Variants in BDNF observed in about 807,000 individuals in gnomAD.
The protein encoded by BDNF is neurotrophic factor BDNF precursor form.
In BDNF, 1 loss-of-function variant was observed where a neutral mutation model predicts 19.5. The observed-to-expected ratio is 0.05, with a 90% CI of 0.02 to 0.24. The LOEUF (loss-of-function observed/expected upper bound fraction) is 0.24, where lower values mean the gene tolerates loss of function less well. Ranked by LOEUF, BDNF falls within the 10% of genes least tolerant of loss-of-function variation. The pLI is 1.00. For missense variants in BDNF, 195 were observed against 317.6 expected, an observed-to-expected ratio of 0.61 and a Z score of 2.93; for synonymous variants, 100 against 121.6, an observed-to-expected ratio of 0.82 and a Z score of 1.17.
intron 1 of BDNF, among the ~76,000 whole-genome samples, chr11:27,718,804 T>C: frequency 6.6e-6 from 1 of 152,108 alleles, no homozygotes; most frequent in Non-Finnish European, 1.5e-5. Context: ...AGAGTTGGGA[T>C]TCTTTCTTTC....
At chr11:27,714,731 G>A (rs927745537) in intron 1 of BDNF, among the ~76,000 whole-genome samples, 1 of 152,092 alleles carries the variant, frequency 6.6e-6, no homozygotes, top group Admixed American at 6.5e-5. Context: ...TACACTGCAA[G>A]AAATAGTTAT....
chr11:27,657,926 C>T lies in BDNF; in HGVS notation c.639G>A (p.Ser213=), dbSNP rs78572035. ...TATCCATGGTAAGGGCCCGCACGTA[C>T]GACTGGGTAGTTCGGCACTGGGAGT... ...HWNSQCRTTQ[S]YVRALTMDSK... The change falls in exon 2 of 2, where the codon TCG becomes TCA. Residue 213 remains serine (S), a synonymous_variant. Transcript: ENST00000356660. This position sits in a 1 kb window ranked among gnomAD's most constrained non-coding sequence, Gnocchi z 5.0. 285 of 1,614,168 alleles carry T rather than the reference C, an allele frequency of 1.8e-4. 2 individuals carry two copies. The East Asian group carries it at 3.2e-3, about 18-fold the overall frequency.
upstream of BDNF, chr11:27,700,537 C>T: frequency 2.7e-6 from 2 of 746,172 alleles, no homozygotes; most frequent in Non-Finnish European, 3.2e-6. Context: ...CCCCCCCGCC[C>T]CCCGCCCCCC....
intron 1 of BDNF, among the ~76,000 whole-genome samples, chr11:27,668,238 A>C (rs959901555): frequency 8.5e-5 from 13 of 152,226 alleles, no homozygotes; most frequent in Non-Finnish European, 1.6e-4. Context: ...AAGACACAAC[A>C]TACCAGAATC....
chr11:27,690,585 C>T (rs1858120710), intron 1 of BDNF, among the ~76,000 whole-genome samples: 1 of 152,096 alleles, frequency 6.6e-6, no homozygotes, highest in African/African-American at 2.4e-5. Context: ...CATATAGATT[C>T]CTATACTACA....
chr11:27,667,521 C>G (rs1163459838), intron 1 of BDNF, among the ~76,000 whole-genome samples: 1 of 152,096 alleles, frequency 6.6e-6, no homozygotes, highest in Non-Finnish European at 1.5e-5. Context: ...TTCAGCAGAC[C>G]CATCTCATGT....
chr11:27,701,550 G>C, upstream of BDNF: 2 of 987,706 alleles, frequency 2.0e-6, no homozygotes, highest in Non-Finnish European at 2.4e-6. Context: ...TTTGATCTCG[G>C]CAGAGGCAGG....
Position 27,657,230 on chromosome 11 carries a change from AAAAC to A in BDNF, c.*587_*590del, listed in dbSNP as rs1351635621. 2.0e-6 allele frequency: 2 copies of A among 986,632 alleles called. No homozygotes were observed. Among genetic ancestry groups the A allele is most frequent in the Non-Finnish European group, 2.4e-6 (2 of 830,292 alleles). The allele number at this position is 986,632 out of a possible 1,614,324, so 61.1% of individuals were successfully genotyped here. A position where few individuals can be genotyped will look rare whatever the true frequency, so the allele number is the denominator to read the frequency against. The stretch of plus-strand genomic sequence containing the variant: ...CATCTCTACTCCCTGTGGGAACTAA[AAAAC>A]AAAACAAACAAACGAAAAAAAAACA... On this transcript the variant is annotated 3_prime_UTR_variant, in exon 2 of 2. Coordinates refer to ENST00000356660, the MANE Select transcript of BDNF (RefSeq NM_001709.5). The surrounding 1 kb of genome is among the most constrained non-coding windows in gnomAD (Gnocchi z 5.0).
At chr11:27,680,747 CTT>C (rs1856742232) in intron 1 of BDNF, among the ~76,000 whole-genome samples, 1 of 152,274 alleles carries the variant, frequency 6.6e-6, no homozygotes, top group African/African-American at 2.4e-5. Flanking sequence ...GAAAAGCAAA[CTT>C]AGCTTCTCTG....
chr11:27,656,718 G>C lies in BDNF; in HGVS notation c.*1103C>G. The C allele has an allele frequency of 1.0e-6, 1 of 985,006 alleles. No individual in the cohort carries two copies. The highest frequency in any genetic ancestry group is 1.2e-6 in the Non-Finnish European group (1 of 829,830). The allele number at this position is 985,006 out of a possible 1,614,324, so 61.0% of individuals were successfully genotyped here. On this transcript the variant is annotated 3_prime_UTR_variant, in exon 2 of 2. Transcript: ENST00000356660. ...AAGACATTGTTAAGCCTCACCATGA[G>C]TTTTTTTTAAGCTTAGCCATGATTT...
At chr11:27,717,856 G>A (rs1860571813) in intron 1 of BDNF, among the ~76,000 whole-genome samples, 1 of 127,080 alleles carries the variant, frequency 7.9e-6, no homozygotes, top group Non-Finnish European at 1.7e-5. Context: ...CATCTTACAA[G>A]TTGAGTGTGT....
At chr11:27,676,073 T>G (rs1856058112) in intron 1 of BDNF, 1 of 152,316 alleles carries the variant, frequency 6.6e-6, no homozygotes, top group South Asian at 2.1e-4. Context: ...GAGAGCACAC[T>G]TTTAGAGGAG....
chr11:27,659,463 A>T (rs1853046117), intron 1 of BDNF: 1 of 1,000,374 alleles, frequency 1.0e-6, no homozygotes, highest in African/African-American at 1.7e-5. Flanking sequence ...AAACTGAAAA[A>T]GTCAGCATTA....
At position 27,654,958 on chromosome 11, in the gene BDNF, GTTAA is replaced by G; in HGVS notation, c.*2859_*2862del. On this transcript the variant is annotated 3_prime_UTR_variant, in exon 2 of 2. Coordinates refer to ENST00000356660, the MANE Select transcript of BDNF (RefSeq NM_001709.5). ...TCTATATTTAAAACATATATTATAT[GTTAA>G]TTAGTACACTTAAATAGAACTTGTA... is the stretch of plus-strand genomic sequence containing the variant. 6.6e-6 allele frequency: 1 copy of G among 152,222 alleles called. No individual in the cohort carries two copies. The highest frequency in any genetic ancestry group is 1.9e-4 in the East Asian group (1 of 5,180). 9.4% of individuals were successfully genotyped at this position (152,222 alleles called of 1,614,324 possible).
chr11:27,701,009 G>C, upstream of BDNF: 1 of 1,361,676 alleles, frequency 7.3e-7, no homozygotes. Context: ...TTGCGAACGC[G>C]AGCACACAAT....
chr11:27,687,014 C>T (rs1393066032), intron 1 of BDNF, among the ~76,000 whole-genome samples: 1 of 152,120 alleles, frequency 6.6e-6, no homozygotes, highest in Admixed American at 6.5e-5. Flanking sequence ...CAACTTGGTT[C>T]CATTGTCCCC....
At chr11:27,679,948 T>G (rs1173116545) in intron 1 of BDNF, among the ~76,000 whole-genome samples, 1 of 152,218 alleles carries the variant, frequency 6.6e-6, no homozygotes, top group Non-Finnish European at 1.5e-5. Flanking sequence ...TTTTTAGGTT[T>G]CATTTTTGCC....
chr11:27,707,278 G>C (rs562695767), intron 1 of BDNF, among the ~76,000 whole-genome samples: 26 of 152,180 alleles, frequency 1.7e-4, no homozygotes, highest in Non-Finnish European at 3.7e-4. Flanking sequence ...AATTCATCAA[G>C]TATGTCTCCA....
chr11:27,700,058 G>A, intron 1 of BDNF, 106 bp downstream of exon 1: 1 of 952,810 alleles, frequency 1.0e-6, no homozygotes, highest in Non-Finnish European at 1.2e-6. Flanking sequence ...GAGGAAAGAA[G>A]GAGACTGGCC....
Sources: gnomAD v4.1 joint callset for allele counts (sites outside exome capture counted in the v4.1 genomes callset) on GRCh38, gnomAD v4.1.1 for gene constraint, Gnocchi (gnomAD v3.1) non-coding constraint, MANE v1.5 for transcripts, NCBI Gene and HGNC (gene_info 2026-07-23, HGNC 2026-07-21) for gene names.